The following PCDH15 variants were observed in gnomAD, a reference collection of about 807,000 sequenced individuals.
The protein encoded by PCDH15 is protocadherin related 15.
PCDH15 carries 129 observed loss-of-function variants against 178.5 expected under a neutral mutation model. That is an observed-to-expected ratio of 0.72 (90% CI 0.63 to 0.84). The LOEUF is 0.84. PCDH15 is among the 40% of genes least tolerant of loss of function. PCDH15 has a pLI of 0.00. For missense variants in PCDH15, 2,230 were observed against 2,099.9 expected (o/e 1.06, Z -1.21); for synonymous variants, 800 against 732.0 (o/e 1.09, Z -1.50).
chr10:55,342,311 T>C (rs963207448), intron 2 of PCDH15, among the ~76,000 whole-genome samples: 8 of 151,964 alleles, frequency 5.3e-5, no homozygotes, highest in Non-Finnish European at 1.0e-4. Context: ...TTAAAGCACA[T>C]ACAATGTTAT....
chr10:54,520,712 G>A (rs1002797946), intron 3 of PCDH15, among the ~76,000 whole-genome samples: 54 of 151,340 alleles, frequency 3.6e-4, no homozygotes, highest in African/African-American at 1.2e-3. Context: ...TCCCATTACT[G>A]GATATATACC....
At chr10:55,320,580 G>T (rs796878975), upstream of PCDH15, among the ~76,000 whole-genome samples, 10 of 152,240 alleles carry the variant, frequency 6.6e-5, no homozygotes, top group African/African-American at 2.4e-4. Flanking sequence ...GAAAACCTTG[G>T]CCCTTCCAGT....
chr10:54,095,201 A>G (rs1382466173), intron 15 of PCDH15, among the ~76,000 whole-genome samples: 1 of 152,144 alleles, frequency 6.6e-6, no homozygotes, highest in Non-Finnish European at 1.5e-5. Flanking sequence ...CAACAAATAA[A>G]GCTTTCAATT....
chr10:55,451,208 A>T (rs2132080982), intron 2 of PCDH15, among the ~76,000 whole-genome samples: 1 of 152,034 alleles, frequency 6.6e-6, no homozygotes, highest in African/African-American at 2.4e-5. Flanking sequence ...CTAAAATAAA[A>T]CAGTTTGGGG....
intron 1 of PCDH15, among the ~76,000 whole-genome samples, chr10:55,234,780 C>T (rs1841328970): frequency 6.6e-6 from 1 of 151,964 alleles, no homozygotes; most frequent in African/African-American, 2.4e-5. Context: ...TTTTATTACT[C>T]ATGAAGTCCA....
At chr10:54,508,604 A>G (rs562199318) in intron 3 of PCDH15, among the ~76,000 whole-genome samples, 2 of 152,260 alleles carry the variant, frequency 1.3e-5, no homozygotes, top group East Asian at 3.9e-4. Context: ...ATCTGATGTG[A>G]TTCATTGAAT....
At chr10:54,242,134 A>ATT (rs2055404321) in intron 8 of PCDH15, among the ~76,000 whole-genome samples, 3 of 3,538 alleles carry the variant, frequency 8.5e-4, no homozygotes, top group Non-Finnish European at 1.6e-3. Context: ...CTATTTTTAT[A>ATT]TATATATATA....
At chr10:54,090,843 G>T (rs370149958) in intron 15 of PCDH15, among the ~76,000 whole-genome samples, 2 of 152,212 alleles carry the variant, frequency 1.3e-5, no homozygotes, top group South Asian at 4.1e-4. Context: ...GATTATTTCT[G>T]TGTATCCATT....
At chr10:53,981,393 G>A (rs998135835) in intron 21 of PCDH15, among the ~76,000 whole-genome samples, 1 of 152,158 alleles carries the variant, frequency 6.6e-6, no homozygotes, top group Non-Finnish European at 1.5e-5. Flanking sequence ...TTTCAGTGAG[G>A]CATCACGCTA....
intron 2 of PCDH15, among the ~76,000 whole-genome samples, chr10:55,012,291 G>A (rs1840063008): frequency 6.6e-6 from 1 of 152,034 alleles, no homozygotes. Flanking sequence ...TGAGTATACA[G>A]TATTGCAATA....
At chr10:55,584,201 T>A (rs892746667) in intron 2 of PCDH15, among the ~76,000 whole-genome samples, 5 of 152,066 alleles carry the variant, frequency 3.3e-5, no homozygotes, top group Admixed American at 2.0e-4. Flanking sequence ...ATAAATACTT[T>A]TTTATTATTT....
At chr10:54,744,648 A>G (rs572548527) in intron 1 of PCDH15, among the ~76,000 whole-genome samples, 25 of 152,302 alleles carry the variant, frequency 1.6e-4, no homozygotes, top group African/African-American at 4.6e-4. Context: ...TATAGAATGT[A>G]TGGGAGGTGG....
At chr10:54,109,542 A>T (rs544648621) in intron 15 of PCDH15, among the ~76,000 whole-genome samples, 3 of 152,368 alleles carry the variant, frequency 2.0e-5, no homozygotes, top group African/African-American at 7.2e-5. Flanking sequence ...TCTGGACATC[A>T]TCAAATTAAG....
At chr10:54,004,396 T>TAAAG (rs2092303689) in intron 20 of PCDH15, among the ~76,000 whole-genome samples, 1 of 72,844 alleles carries the variant, frequency 1.4e-5, no homozygotes, top group East Asian at 3.2e-4. Context: ...ACCTAAAGAC[T>TAAAG]ACACACACAC....
At chr10:54,404,985 A>C (rs552304327) in intron 3 of PCDH15, among the ~76,000 whole-genome samples, 2 of 151,994 alleles carry the variant, frequency 1.3e-5, no homozygotes, top group East Asian at 3.9e-4. Flanking sequence ...TATTACAATT[A>C]AAAAAGTCAA....
intron 3 of PCDH15, among the ~76,000 whole-genome samples, chr10:54,824,241 A>G (rs1235612181): frequency 6.6e-6 from 1 of 152,182 alleles, no homozygotes; most frequent in Non-Finnish European, 1.5e-5. Flanking sequence ...TATAATAAAT[A>G]CATGTATTGA....
intron 2 of PCDH15, among the ~76,000 whole-genome samples, chr10:55,336,130 A>G (rs1844383863): frequency 2.2e-5 from 2 of 91,942 alleles, no homozygotes; most frequent in African/African-American, 6.9e-5. Flanking sequence ...ATTTGAAAAA[A>G]AAAAAAAAAA....
At chr10:53,917,687 T>C (rs2083641134) in intron 25 of PCDH15, among the ~76,000 whole-genome samples, 1 of 152,086 alleles carries the variant, frequency 6.6e-6, no homozygotes, top group African/African-American at 2.4e-5. Flanking sequence ...AAGAGAAGAA[T>C]CCATCAAAAA....
At chr10:54,334,994 C>T (rs1021154405) in intron 6 of PCDH15, among the ~76,000 whole-genome samples, 1 of 152,124 alleles carries the variant, frequency 6.6e-6, no homozygotes, top group African/African-American at 2.4e-5. Context: ...CAACTTTGCC[C>T]TTATCAATCT....
Sources: gnomAD v4.1 joint callset for allele counts (sites outside exome capture counted in the v4.1 genomes callset) on GRCh38, gnomAD v4.1.1 for gene constraint, MANE v1.5 for transcripts, NCBI Gene and HGNC (gene_info 2026-07-23, HGNC 2026-07-21) for gene names.